Variants in LRRC4B observed in about 807,000 individuals in gnomAD.
LRRC4B encodes leucine-rich repeat-containing protein 4B.
Under a neutral mutation model 7.3 loss-of-function variants are expected in LRRC4B, and 1 was observed. The observed-to-expected ratio is 0.14, with a 90% CI of 0.05 to 0.65. The LOEUF is 0.65. Among genes scored for constraint, LRRC4B ranks in the 30% least tolerant of loss-of-function variants. LRRC4B has a pLI of 0.84. For missense variants in LRRC4B, 730 were observed against 1,041.6 expected (o/e 0.70, Z 4.12); for synonymous variants, 500 against 499.2 (o/e 1.00, Z -0.02).
At chr19:50,531,322 C>CA (rs1303294337) in intron 2 of LRRC4B, among the ~76,000 whole-genome samples, 1 of 152,250 alleles carries the variant, frequency 6.6e-6, no homozygotes, top group Non-Finnish European at 1.5e-5. Context: ...CCTGGGGCTC[C>CA]AGCCCACAGT....
At position 50,539,636 on chromosome 19, in the gene LRRC4B, C is replaced by T. The variant is rs1048086851; in HGVS notation, c.297+8906G>A. On this transcript the variant is annotated intron_variant, in intron 2 of 2. Coordinates refer to ENST00000652263, the MANE Select transcript of LRRC4B (RefSeq NM_001080457.2). ...GGGTGTGGTGGCTCACACATGTAAT[C>T]CCAGCACTTTGGGAGGCCGAGGCAG... Among the ~76,000 whole-genome samples, 50 of 151,696 alleles carry T rather than the reference C, an allele frequency of 3.3e-4. 2 individuals are homozygous for T. Among genetic ancestry groups the T allele is most frequent in the Non-Finnish European group, 8.8e-5 (6 of 67,982 alleles).
chr19:50,560,553 C>T (rs1982429359), intron 1 of LRRC4B, among the ~76,000 whole-genome samples: 1 of 152,214 alleles, frequency 6.6e-6, no homozygotes, highest in Admixed American at 6.5e-5. Flanking sequence ...CCAGAAGATC[C>T]TCCTTCTCCT....
intron 2 of LRRC4B, among the ~76,000 whole-genome samples, chr19:50,535,014 GCC>G (rs1444247342): frequency 7.3e-5 from 11 of 151,678 alleles, no homozygotes; most frequent in East Asian, 1.9e-4. Flanking sequence ...GATTACAGGC[GCC>G]TGCCACCACA....
intron 1 of LRRC4B, among the ~76,000 whole-genome samples, chr19:50,552,233 G>A (rs1305420977): frequency 7.5e-6 from 1 of 133,876 alleles, no homozygotes; most frequent in African/African-American, 2.9e-5. Flanking sequence ...ACTGGGTCTA[G>A]GCACACAATC....
Position 50,520,066 on chromosome 19 carries a change from C to T in LRRC4B, c.298-651G>A, listed in dbSNP as rs190458714. Reference sequence around the variant, plus strand: ...AATAAAATAAAATAAATTAGCCAGGCGTGGTGGCATGTGCCTGTTGTCCCA... The same window carrying T: ...AATAAAATAAAATAAATTAGCCAGGTGTGGTGGCATGTGCCTGTTGTCCCA... On this transcript the variant is annotated intron_variant, in intron 2 of 2. Transcript: ENST00000652263. Among the ~76,000 whole-genome samples, 87 of 150,346 alleles carry T rather than the reference C, an allele frequency of 5.8e-4. No homozygotes were observed. The Middle Eastern group carries it at 0.014, about 24-fold the overall frequency.
chr19:50,562,236 T>G (rs1352571157), intron 1 of LRRC4B, among the ~76,000 whole-genome samples: 1 of 152,072 alleles, frequency 6.6e-6, no homozygotes, highest in Non-Finnish European at 1.5e-5. Context: ...GGAGGCGACC[T>G]GCAGGGCGGC....
rs1982298164 is a variant in LRRC4B, at chr19:50,556,990, C to A, written c.-35-8117G>T. On this transcript the variant is annotated intron_variant, in intron 1 of 2. Transcript: ENST00000652263. This position sits in a 1 kb window ranked among gnomAD's most constrained non-coding sequence, Gnocchi z 4.2. ...TTCCTCTCACAACGGGCTGTGACAA[C>A]AGAGGGGCAGGCTCAGCTCTGGTGG... Among the ~76,000 whole-genome samples, 4 of 152,034 alleles carry A rather than the reference C, an allele frequency of 2.6e-5. No individual in the cohort carries two copies. Among genetic ancestry groups the A allele is most frequent in the Admixed American group, 2.6e-4 (4 of 15,256 alleles).
intron 2 of LRRC4B, among the ~76,000 whole-genome samples, chr19:50,541,992 G>T (rs936434932): frequency 1.3e-5 from 2 of 152,154 alleles, no homozygotes; most frequent in Admixed American, 6.5e-5. Context: ...AGAAACACAG[G>T]CCGAGCGAAC....
At position 50,548,052 on chromosome 19, in the gene LRRC4B, A is replaced by G. The variant is rs1260182733; in HGVS notation, c.297+490T>C. Among the ~76,000 whole-genome samples the G allele has an allele frequency of 3.3e-5, 5 of 152,138 alleles. No homozygotes were observed. Among genetic ancestry groups the G allele is most frequent in the African/African-American group, 4.8e-5 (2 of 41,430 alleles). ...TGCCAGCACACAAGCTAACGCCCCA[A>G]TAAGTACCAGACCCATCAGCCCTCA... is the stretch of plus-strand genomic sequence containing the variant. On this transcript the variant is annotated intron_variant, in intron 2 of 2. Transcript: ENST00000652263. This position sits in a 1 kb window ranked among gnomAD's most constrained non-coding sequence, Gnocchi z 6.8.
In LRRC4B at chr19:50,548,170, C is replaced by T. The variant is rs555781569; in HGVS notation, c.297+372G>A. 1.3e-5 allele frequency among the ~76,000 whole-genome samples: 2 copies of T among 152,312 alleles called. No homozygotes were observed. Among genetic ancestry groups the T allele is most frequent in the Admixed American group, 6.5e-5 (1 of 15,306 alleles). The stretch of plus-strand genomic sequence containing the variant: ...TCATGCCGTCACCTTCCCAAGGCCA[C>T]GAGAGGGTGTGGTGGTGCAGATGCC... On this transcript the variant is annotated intron_variant, in intron 2 of 2. Transcript: ENST00000652263. This position sits in a 1 kb window ranked among gnomAD's most constrained non-coding sequence, Gnocchi z 6.8.
chr19:50,561,163 C>A (rs571231739), intron 1 of LRRC4B, among the ~76,000 whole-genome samples: 81 of 152,180 alleles, frequency 5.3e-4, no homozygotes, highest in African/African-American at 1.8e-3. Flanking sequence ...TGACTCAGCC[C>A]CCTCCCCACC....
At chr19:50,532,001 T>C (rs971265790) in intron 2 of LRRC4B, among the ~76,000 whole-genome samples, 3 of 152,164 alleles carry the variant, frequency 2.0e-5, no homozygotes, top group Non-Finnish European at 1.5e-5. Context: ...GGCGGGAGGA[T>C]TGCTTGAGCT....
chr19:50,536,642 C>CG (rs1981303085), intron 2 of LRRC4B, among the ~76,000 whole-genome samples: 1 of 152,178 alleles, frequency 6.6e-6, no homozygotes, highest in Non-Finnish European at 1.5e-5. Flanking sequence ...GAAAGATGCA[C>CG]GGGTCTCAGC....
intron 1 of LRRC4B, among the ~76,000 whole-genome samples, chr19:50,566,817 C>T (rs999865111): frequency 6.7e-6 from 1 of 149,468 alleles, no homozygotes; most frequent in Admixed American, 6.7e-5. Context: ...TGGAGGGGGT[C>T]TCTGGGTGAT....
chr19:50,542,065 C>T (rs770451830), intron 2 of LRRC4B, among the ~76,000 whole-genome samples: 19 of 152,292 alleles, frequency 1.2e-4, no homozygotes, highest in Admixed American at 2.6e-4. Context: ...AATACGTGTA[C>T]GCAAAGCAAC....
At position 50,553,837 on chromosome 19, in the gene LRRC4B, C is replaced by T. The variant is rs1410847224; in HGVS notation, c.-35-4964G>A. On this transcript the variant is annotated intron_variant, in intron 1 of 2. Coordinates refer to ENST00000652263, the MANE Select transcript of LRRC4B (RefSeq NM_001080457.2). The surrounding 1 kb of genome is among the most constrained non-coding windows in gnomAD (Gnocchi z 4.2). ...CGTTATCATCACTGTGAGTCTATTT[C>T]CCCCCACGCTCACACACAGATACCC... is the stretch of plus-strand genomic sequence containing the variant. 6.6e-6 allele frequency among the ~76,000 whole-genome samples: 1 copy of T among 151,812 alleles called. No individual in the cohort carries two copies. The highest frequency in any genetic ancestry group is 6.6e-5 in the Admixed American group (1 of 15,226).
At position 50,537,479 on chromosome 19, in the gene LRRC4B, A is replaced by G. The variant is rs935621713; in HGVS notation, c.297+11063T>C. ...GCTCAGAGAGGTGACTCAACGCCTT[A>G]GCGTCATTCGTGGAGGGGAGAACGC... On this transcript the variant is annotated intron_variant, in intron 2 of 2. Transcript: ENST00000652263. The surrounding 1 kb of genome is among the most constrained non-coding windows in gnomAD (Gnocchi z 5.5). Among the ~76,000 whole-genome samples the G allele has an allele frequency of 6.6e-6, 1 of 152,188 alleles. No individual in the cohort carries two copies.
intron 2 of LRRC4B, among the ~76,000 whole-genome samples, chr19:50,546,741 G>GC (rs368713090): frequency 1.1e-4 from 16 of 151,974 alleles, no homozygotes; most frequent in South Asian, 2.1e-4. Flanking sequence ...GAGCCCCCTC[G>GC]CCCCCCCACA....
In LRRC4B at chr19:50,517,698, G is replaced by C. The variant is rs770871502; in HGVS notation, c.2015C>G (p.Ala672Gly). The change falls in exon 3 of 3, where the codon GCG becomes GGG. Residue 672 changes from alanine to glycine, a missense_variant. By Grantham distance (60) the Ala-to-Gly change is moderately conservative. Around this residue, in one of 6 missense-constraint regions of LRRC4B, gnomAD observed 160 missense variants for 163.9 expected, o/e 0.98. Coordinates refer to ENST00000652263, the MANE Select transcript of LRRC4B (RefSeq NM_001080457.2). This position sits in a 1 kb window ranked among gnomAD's most constrained non-coding sequence, Gnocchi z 6.6. ...HHHYVAAAFK[A>G]HYSSNPSGGG... is the part of the protein sequence containing the mutation. ...GCCGCTGGGGTTGCTGCTGTAGTGC[G>C]CCTTGAAGGCGGCAGCCACGTAGTG... is the stretch of plus-strand genomic sequence containing the variant. The C allele has an allele frequency of 9.7e-6, 15 of 1,551,964 alleles. No homozygotes were observed. The South Asian group carries it at 1.8e-4, about 19-fold the overall frequency.
Sources: gnomAD v4.1 joint callset for allele counts (sites outside exome capture counted in the v4.1 genomes callset) on GRCh38, gnomAD v4.1.1 for gene constraint, gnomAD v4.1.1 regional missense constraint, Gnocchi (gnomAD v3.1) non-coding constraint, MANE v1.5 for transcripts, NCBI Gene and HGNC (gene_info 2026-07-23, HGNC 2026-07-21) for gene names.